Variants in COL11A1 observed in about 807,000 individuals in gnomAD.
COL11A1 encodes the protein collagen type XI alpha 1 chain.
In COL11A1, 74 loss-of-function variants were observed where a neutral mutation model predicts 265.2. That is an observed-to-expected ratio of 0.28 (90% CI 0.23 to 0.34). COL11A1 has a LOEUF of 0.34. Among genes scored for constraint, COL11A1 ranks in the 10% least tolerant of loss-of-function variants. The probability of loss-of-function intolerance (pLI) is 1.00; values close to 1 mark genes in which losing one functional copy is unlikely to be tolerated. For synonymous variants in COL11A1, 816 were observed against 727.6 expected (o/e 1.12, Z -1.96); for missense variants, 2,165 against 2,263.6 (o/e 0.96, Z 0.88).
intron 3 of COL11A1, 151 bp downstream of exon 3, chr1:103,078,507 A>G (rs1487010789): frequency 2.8e-6 from 2 of 701,870 alleles, no homozygotes; most frequent in Non-Finnish European, 5.0e-6. Flanking sequence ...CCCTGTACAC[A>G]CTATAAATTA....
intron 41 of COL11A1, among the ~76,000 whole-genome samples, chr1:102,959,836 C>T (rs1660725243): frequency 6.6e-6 from 1 of 152,144 alleles, no homozygotes; most frequent in African/African-American, 2.4e-5. Context: ...CTTGAGAGAG[C>T]TTCAGTGCTT....
At chr1:103,012,316 C>A in intron 14 of COL11A1, 97 bp downstream of exon 14, 1 of 879,360 alleles carries the variant, frequency 1.1e-6, no homozygotes, top group South Asian at 1.4e-5. Flanking sequence ...ACCCTATTGT[C>A]ACCAACCATA....
intron 50 of COL11A1, among the ~76,000 whole-genome samples, 193 bp from the exon 51 acceptor site, chr1:102,915,004 A>C (rs1442842075): frequency 1.3e-5 from 2 of 152,082 alleles, no homozygotes; most frequent in Non-Finnish European, 2.9e-5. Context: ...TCCCAGGTTC[A>C]AGCGATTCTC....
chr1:102,931,949 A>G (rs1335066583), intron 46 of COL11A1, among the ~76,000 whole-genome samples: 1 of 150,728 alleles, frequency 6.6e-6, no homozygotes. Context: ...TGCTTGGTAG[A>G]TCTTCCTCCA....
intron 42 of COL11A1, among the ~76,000 whole-genome samples, chr1:102,946,394 T>C (rs3126213): frequency 0.91 from 137,547 of 151,850 alleles, 63,220 homozygotes; most frequent in East Asian, 1. Context: ...AGATGTTCCC[T>C]GTCTCACTCA....
chr1:102,952,480 G>T (rs968709253), intron 41 of COL11A1, among the ~76,000 whole-genome samples: 1 of 152,168 alleles, frequency 6.6e-6, no homozygotes, highest in African/African-American at 2.4e-5. Flanking sequence ...ATTTCAGATT[G>T]TCATCTTGCT....
intron 41 of COL11A1, 32 bp downstream of exon 41, chr1:102,961,834 A>G: frequency 6.3e-7 from 1 of 1,597,904 alleles, no homozygotes; most frequent in South Asian, 1.1e-5. Flanking sequence ...CACAACCATG[A>G]TTGTCTGGCT....
intron 22 of COL11A1, 81 bp downstream of exon 22, chr1:103,002,666 T>C: frequency 2.4e-6 from 3 of 1,258,776 alleles, no homozygotes; most frequent in Non-Finnish European, 3.5e-6. Context: ...TAAATCATTA[T>C]ATTTTAGATT....
Position 102,915,641 on chromosome 1 carries a change from G to T in COL11A1, c.3806C>A (p.Ala1269Glu). The change falls in exon 50 of 67, where the codon GCA becomes GAA. Residue 1269 changes from alanine (A) to glutamate (E), a missense_variant. Ala to Glu is a moderately radical substitution (Grantham distance 107). Transcript: ENST00000370096. ...EAGNPGPPGE[A>E]GVGGPKGERG... ...TAACACAGTACTTACGCCTACACCTGCTTCCCCAGGAGGCCCTGGGTTCCC... is the reference window on the plus strand; with the variant it reads ...TAACACAGTACTTACGCCTACACCTTCTTCCCCAGGAGGCCCTGGGTTCCC... 1 of 1,613,132 alleles carries T rather than the reference G, an allele frequency of 6.2e-7. No individual in the cohort carries two copies. The highest frequency in any genetic ancestry group is 1.1e-5 in the South Asian group (1 of 91,050).
chr1:103,050,017 C>A (rs2102124242), intron 4 of COL11A1, among the ~76,000 whole-genome samples: 1 of 152,308 alleles, frequency 6.6e-6, no homozygotes, highest in East Asian at 1.9e-4. Flanking sequence ...ACCTTTCTCT[C>A]TGGCTGCCCT....
intron 42 of COL11A1, among the ~76,000 whole-genome samples, chr1:102,942,831 T>G (rs1658872245): frequency 6.6e-6 from 1 of 152,090 alleles, no homozygotes; most frequent in Admixed American, 6.6e-5. Context: ...TCTGAACACT[T>G]CTCACAACTT....
chr1:102,986,320 A>T (rs1057245569), intron 30 of COL11A1, among the ~76,000 whole-genome samples: 2 of 150,116 alleles, frequency 1.3e-5, no homozygotes, highest in African/African-American at 4.9e-5. Flanking sequence ...AGGACAAAAA[A>T]CCAAGCACCG....
Position 102,979,048 on chromosome 1 carries a change from C to T in COL11A1, c.2655+12G>A, listed in dbSNP as rs1315336466. 6.2e-7 allele frequency: 1 copy of T among 1,613,928 alleles called. No individual in the cohort carries two copies. The highest frequency in any genetic ancestry group is 1.7e-5 in the Admixed American group (1 of 59,998). On this transcript the variant is annotated intron_variant, in intron 33 of 66. Transcript: ENST00000370096. ...ATGAAAAATGTACATCATTTTAAAT[C>T]AAGGCACCTACCGTTGGACCACGCT...
rs1841834 is a variant in COL11A1, at chr1:102,962,833, G to A, written c.2917-73C>T. The A allele has an allele frequency of 0.96, 1,282,083 of 1,330,674 alleles. 618,108 individuals are homozygous for A. Among genetic ancestry groups the A allele is most frequent in the East Asian group, 1 (43,063 of 43,064 alleles). The allele number at this position is 1,330,674 out of a possible 1,614,324, so 82.4% of individuals were successfully genotyped here. A position where few individuals can be genotyped will look rare whatever the true frequency, so the allele number is the denominator to read the frequency against. On this transcript the variant is annotated intron_variant, in intron 38 of 66. Transcript: ENST00000370096. ...CAAAGATAACACAAACTCAAAAACA[G>A]TATTATTACATTTACAAAAGTTTAT...
At chr1:103,008,791 T>C (rs1209192462) in intron 14 of COL11A1, among the ~76,000 whole-genome samples, 1 of 152,198 alleles carries the variant, frequency 6.6e-6, no homozygotes, top group African/African-American at 2.4e-5. Flanking sequence ...TGAAATTGTC[T>C]TTTGTGTGTG....
chr1:102,940,320 T>A lies in COL11A1; in HGVS notation c.3384+7A>T. 1 of 1,608,546 alleles carries A rather than the reference T, an allele frequency of 6.2e-7. No individual in the cohort carries two copies. The highest frequency in any genetic ancestry group is 8.5e-7 in the Non-Finnish European group (1 of 1,174,992). ...AGGATCTACTAACACGAATAATGAA[T>A]ACCAACCTTGTCTCCGTCTTCCCCA... On this transcript the variant is annotated splice_region_variant and intron_variant, in intron 43 of 66. Coordinates refer to ENST00000370096, the MANE Select transcript of COL11A1 (RefSeq NM_001854.4).
At chr1:103,042,460 T>C (rs1668886659) in intron 4 of COL11A1, among the ~76,000 whole-genome samples, 1 of 152,098 alleles carries the variant, frequency 6.6e-6, no homozygotes. Context: ...CCAATTCCTA[T>C]TACTAACATT....
At chr1:102,909,160 T>C (rs536756761) in intron 54 of COL11A1, among the ~76,000 whole-genome samples, 7 of 152,254 alleles carry the variant, frequency 4.6e-5, no homozygotes, top group African/African-American at 1.7e-4. Context: ...ATTAATACCT[T>C]TCCAGGATGG....
intron 20 of COL11A1, 36 bp from the exon 21 acceptor site, chr1:103,003,304 A>G (rs1169286003): frequency 1.9e-6 from 3 of 1,600,128 alleles, no homozygotes; most frequent in Middle Eastern, 1.7e-4. Context: ...TTTATTAAAA[A>G]AAAAAAATGT....
Sources: allele counts gnomAD v4.1 joint callset (sites outside exome capture counted in the v4.1 genomes callset), GRCh38; gene constraint gnomAD v4.1.1; transcripts MANE v1.5; gene names NCBI Gene and HGNC (gene_info 2026-07-23, HGNC 2026-07-21).